RFC3: variants seen among roughly 807,000 people sequenced by gnomAD.
The protein encoded by RFC3 is A1 38 kDa subunit.
Under a neutral mutation model 45.1 loss-of-function variants are expected in RFC3, and 41 were observed. That is an observed-to-expected ratio of 0.91 (90% confidence interval 0.71 to 1.18). RFC3 has a LOEUF of 1.18. Among genes scored for constraint, RFC3 ranks in the 50% most tolerant of loss-of-function variants. The pLI is 0.00. For missense variants in RFC3, 423 were observed against 428.1 expected, an observed-to-expected ratio of 0.99 and a Z score of 0.10; for synonymous variants, 149 against 144.0, an observed-to-expected ratio of 1.03 and a Z score of -0.25.
intron 4 of RFC3, among the ~76,000 whole-genome samples, chr13:33,827,984 A>G (rs1191926100): frequency 1.3e-5 from 2 of 151,650 alleles, no homozygotes; most frequent in African/African-American, 4.8e-5. Context: ...ACAAGACCCG[A>G]TCTTGCCAAA....
In RFC3 at chr13:33,922,644, G is replaced by T. The variant is rs181013314; in HGVS notation, c.880-43443G>T. On this transcript the variant is annotated intron_variant, in intron 8 of 8. Coordinates refer to the RFC3 transcript ENST00000434425. ...GCCATAAAACCTTTGGGAAAAATAT[G>T]TTTTTTAGTTTGTGCTGTTATGAAA... 9.2e-5 allele frequency among the ~76,000 whole-genome samples: 14 copies of T among 152,156 alleles called. No homozygotes were observed. The East Asian group carries it at 2.7e-3, about 29-fold the overall frequency.
At chr13:33,872,914 A>T (rs539044129) in intron 8 of RFC3, among the ~76,000 whole-genome samples, 1 of 150,142 alleles carries the variant, frequency 6.7e-6, no homozygotes, top group South Asian at 2.1e-4. Flanking sequence ...GAATGTTTTC[A>T]TTTGGGCTTG....
intron 8 of RFC3, among the ~76,000 whole-genome samples, chr13:33,858,618 T>C (rs2082321745): frequency 6.6e-6 from 1 of 152,198 alleles, no homozygotes; most frequent in Non-Finnish European, 1.5e-5. Context: ...TGATACACTT[T>C]TACTTATTTC....
chr13:33,909,948 G>A (rs563844850), intron 8 of RFC3, among the ~76,000 whole-genome samples: 1 of 152,130 alleles, frequency 6.6e-6, no homozygotes, highest in South Asian at 2.1e-4. Flanking sequence ...ATCATAAAAA[G>A]GTAGTAACCT....
At chr13:33,827,484 A>G (rs2082061204) in intron 4 of RFC3, among the ~76,000 whole-genome samples, 1 of 152,226 alleles carries the variant, frequency 6.6e-6, no homozygotes, top group African/African-American at 2.4e-5. Flanking sequence ...TTATAAGAGA[A>G]ATGTTGAACA....
rs566484322 is a variant in RFC3 at position 33,849,060 on chromosome 13, A to G, written c.879+13843A>G. ...TGCAGGATGATAGATAGATAGATAG[A>G]CAGGCAGACAGACAGGCAGACAGAC... On this transcript the variant is annotated intron_variant, in intron 8 of 8. Transcript: ENST00000434425. The G allele has an allele frequency of 5.0e-5, 3 of 60,422 alleles. No homozygotes were observed. The East Asian group carries it at 1.3e-3, about 26-fold the overall frequency. The allele number at this position is 60,422 out of a possible 1,614,324, so 3.7% of individuals were successfully genotyped here. A position where few individuals can be genotyped will look rare whatever the true frequency, so the allele number is the denominator to read the frequency against.
Position 33,831,331 on chromosome 13 carries a change from TGTCA to T in RFC3, c.792_795del (p.Gln265LysfsTer17), listed in dbSNP as rs2139410928. 4 of 1,606,728 alleles carry T rather than the reference TGTCA, an allele frequency of 2.5e-6. No homozygotes were observed. The highest frequency in any genetic ancestry group is 2.2e-5 in the East Asian group (1 of 44,844). ...ATCTGAGGGAGACTGCAAATGCTAT[TGTCA>T]GTCAGCAAACTCCACAAAGGTACCA... On this transcript the variant is annotated frameshift_variant, in exon 7 of 9. Coordinates refer to ENST00000380071, the MANE Select transcript of RFC3 (RefSeq NM_002915.4). LOFTEE classifies it high-confidence loss of function.
intron 8 of RFC3, among the ~76,000 whole-genome samples, chr13:33,857,770 C>T (rs2082317094): frequency 6.6e-6 from 1 of 152,006 alleles, no homozygotes; most frequent in South Asian, 2.1e-4. Context: ...TATTTCTGTT[C>T]TGGGTACTAG....
At chr13:33,927,796 C>T (rs2137759360) in intron 8 of RFC3, among the ~76,000 whole-genome samples, 1 of 152,128 alleles carries the variant, frequency 6.6e-6, no homozygotes, top group Non-Finnish European at 1.5e-5. Flanking sequence ...TGTGGTCCTG[C>T]CTGGAACAAA....
At chr13:33,853,293 C>G (rs1271634857) in intron 8 of RFC3, among the ~76,000 whole-genome samples, 1 of 152,082 alleles carries the variant, frequency 6.6e-6, no homozygotes, top group Non-Finnish European at 1.5e-5. Flanking sequence ...ATCTGAGACC[C>G]AAATTGTGAT....
intron 8 of RFC3, among the ~76,000 whole-genome samples, chr13:33,963,702 T>G (rs1394624937): frequency 6.6e-6 from 1 of 152,208 alleles, no homozygotes; most frequent in African/African-American, 2.4e-5. Flanking sequence ...CTTCCCTGAC[T>G]TGTCTCTGTT....
At chr13:33,830,112 T>C (rs2274728) in intron 5 of RFC3, 95 bp downstream of exon 5, 157,544 of 1,086,060 alleles carry the variant, frequency 0.15, 18,332 homozygotes, top group African/African-American at 0.47. Flanking sequence ...ATCAGTAATT[T>C]AAGAACACCT....
intron 8 of RFC3, among the ~76,000 whole-genome samples, chr13:33,906,510 A>G (rs1426906665): frequency 3.0e-5 from 4 of 135,590 alleles, no homozygotes; most frequent in Non-Finnish European, 5.9e-5. Context: ...CAAGTCTCAA[A>G]TTATTATTTT....
chr13:33,947,666 C>T (rs1304676694), intron 8 of RFC3, among the ~76,000 whole-genome samples: 1 of 152,104 alleles, frequency 6.6e-6, no homozygotes, highest in Non-Finnish European at 1.5e-5. Flanking sequence ...TTGGAACTTC[C>T]TAGAGACTTG....
At chr13:33,818,344 C>T (rs1238305658) in intron 1 of RFC3, 79 bp downstream of exon 1, 1 of 1,130,702 alleles carries the variant, frequency 8.8e-7, no homozygotes, top group Non-Finnish European at 1.3e-6. Flanking sequence ...AGGAGCAGTG[C>T]TTCTCCCGCC....
chr13:33,928,595 T>G (rs2082831283), intron 8 of RFC3, among the ~76,000 whole-genome samples: 1 of 152,162 alleles, frequency 6.6e-6, no homozygotes, highest in South Asian at 2.1e-4. Context: ...TCAGCTCACC[T>G]TGCCTCTTCC....
chr13:33,829,141 T>A (rs1394715501), intron 4 of RFC3, among the ~76,000 whole-genome samples: 1 of 152,204 alleles, frequency 6.6e-6, no homozygotes, highest in Non-Finnish European at 1.5e-5. Flanking sequence ...TAGAAATAAT[T>A]TGTTAATATA....
At position 33,836,284 on chromosome 13, in the gene RFC3, A is replaced by T. The variant is rs765018348; in HGVS notation, c.1060A>T (p.Met354Leu). The change falls in exon 9 of 9, where the codon ATG becomes TTG. Residue 354 changes from methionine to leucine, a missense_variant. Transcript: ENST00000380071. ...GTTCATGGAGGATGGATTGGAAGGC[A>T]TGATGTTCTGACTTCTGTCAGTTAT... ...KKFMEDGLEG[M>L]MF 1 of 1,612,922 alleles carries T rather than the reference A, an allele frequency of 6.2e-7. No individual in the cohort carries two copies. Among genetic ancestry groups the T allele is most frequent in the South Asian group, 1.1e-5 (1 of 91,018 alleles).
chr13:33,891,516 G>A (rs1319469964), intron 8 of RFC3, among the ~76,000 whole-genome samples: 1 of 152,152 alleles, frequency 6.6e-6, no homozygotes, highest in Non-Finnish European at 1.5e-5. Context: ...GTACTTAGTG[G>A]ATAATGACTA....
Sources: gnomAD v4.1 joint callset for allele counts (sites outside exome capture counted in the v4.1 genomes callset) on GRCh38, gnomAD v4.1.1 for gene constraint, MANE v1.5 for transcripts, NCBI Gene and HGNC (gene_info 2026-07-23, HGNC 2026-07-21) for gene names.